Variants in TMEM107 observed in about 807,000 individuals in gnomAD.
TMEM107 encodes transmembrane protein 107.
A neutral mutation model predicts 16.8 loss-of-function variants in TMEM107; 18 were observed. That is an observed-to-expected ratio of 1.07 (90% CI 0.74 to 1.59). TMEM107 has a LOEUF of 1.59. Ranked by LOEUF, TMEM107 falls within the 40% of genes most tolerant of loss-of-function variation. The pLI is 0.00. For synonymous variants in TMEM107, 68 were observed against 71.6 expected, an observed-to-expected ratio of 0.95 and a Z score of 0.25; for missense variants, 152 against 175.4, an observed-to-expected ratio of 0.87 and a Z score of 0.75.
Position 8,173,333 on chromosome 17 carries a change from A to T in TMEM107, c.*870T>A. 5.4e-6 allele frequency: 3 copies of T among 555,748 alleles called. No individual in the cohort carries two copies. Among genetic ancestry groups the T allele is most frequent in the Non-Finnish European group, 6.5e-6 (2 of 308,634 alleles). 34.4% of individuals were successfully genotyped at this position (555,748 alleles called of 1,614,324 possible). A position where few individuals can be genotyped will look rare whatever the true frequency, so the allele number is the denominator to read the frequency against. Reference sequence around the variant, plus strand: ...TTTAGCAAGACTGCAAAATAGACAAACAGCAATAGCAAGACTGCAAAATAG... The same window carrying T: ...TTTAGCAAGACTGCAAAATAGACAATCAGCAATAGCAAGACTGCAAAATAG... On this transcript the variant is annotated 3_prime_UTR_variant, in exon 5 of 5. Transcript: ENST00000437139.
chr17:8,172,869 A>AAC lies in TMEM107; in HGVS notation c.*1333_*1334insGT, dbSNP rs761074493. ...TGAGACTGTCTCAAAAAAAAAAAAA[A>AAC]AAAAAACCAAAAGAGGGGGGTGGTC... On this transcript the variant is annotated 3_prime_UTR_variant, in exon 5 of 5. Coordinates refer to ENST00000437139, the MANE Select transcript of TMEM107 (RefSeq NM_183065.4). Among the ~76,000 whole-genome samples the AAC allele has an allele frequency of 0.033, 4,833 of 148,378 alleles. 257 individuals are homozygous for AAC. The highest frequency in any genetic ancestry group is 0.13 in the South Asian group (583 of 4,622).
rs541201431 is a variant in TMEM107 at position 8,173,147 on chromosome 17, T to A, written c.*1056A>T. 1 of 284,524 alleles carries A rather than the reference T, an allele frequency of 3.5e-6. No individual in the cohort carries two copies. The highest frequency in any genetic ancestry group is 6.8e-6 in the Non-Finnish European group (1 of 147,372). 17.6% of individuals were successfully genotyped at this position (284,524 alleles called of 1,614,324 possible). A position where few individuals can be genotyped will look rare whatever the true frequency, so the allele number is the denominator to read the frequency against. ...AATACCATCCTGAGGGCAACCACCA[T>A]GTGCACAAGACTGCAGATATTTACT... On this transcript the variant is annotated 3_prime_UTR_variant, in exon 5 of 5. Transcript: ENST00000437139.
In TMEM107 at chr17:8,174,051, C is replaced by A; in HGVS notation, c.*152G>T. 1.5e-6 allele frequency: 1 copy of A among 665,798 alleles called. No individual in the cohort carries two copies. The highest frequency in any genetic ancestry group is 1.8e-5 in the South Asian group (1 of 57,078). The allele number at this position is 665,798 out of a possible 1,614,324, so 41.2% of individuals were successfully genotyped here. ...AAGCACTAAATACAATGCGGATAAT[C>A]CCAGACTCAAGACGTAATTATTCCA... On this transcript the variant is annotated 3_prime_UTR_variant, in exon 5 of 5. Coordinates refer to ENST00000437139, the MANE Select transcript of TMEM107 (RefSeq NM_183065.4).
In TMEM107 at chr17:8,172,872, AAAAC is replaced by A. The variant is rs1055775689; in HGVS notation, c.*1327_*1330del. On this transcript the variant is annotated 3_prime_UTR_variant, in exon 5 of 5. Transcript: ENST00000437139. ...GACTGTCTCAAAAAAAAAAAAAAAAAAAACCAAAAGAGGGGGGTGGTCAACATAC... is the reference window on the plus strand; with the variant it reads ...GACTGTCTCAAAAAAAAAAAAAAAAACAAAAGAGGGGGGTGGTCAACATAC... 2.7e-5 allele frequency among the ~76,000 whole-genome samples: 4 copies of A among 148,826 alleles called. No individual in the cohort carries two copies. Among genetic ancestry groups the A allele is most frequent in the African/African-American group, 7.4e-5 (3 of 40,364 alleles).
rs1285905701 is a variant in TMEM107 at position 8,173,139 on chromosome 17, AACC to A, written c.*1061_*1063del. On this transcript the variant is annotated 3_prime_UTR_variant, in exon 5 of 5. Coordinates refer to ENST00000437139, the MANE Select transcript of TMEM107 (RefSeq NM_183065.4). ...TCCTATTGAATACCATCCTGAGGGC[AACC>A]ACCATGTGCACAAGACTGCAGATAT... 1.1e-5 allele frequency: 3 copies of A among 273,274 alleles called. No individual in the cohort carries two copies. The highest frequency in any genetic ancestry group is 2.1e-5 in the Non-Finnish European group (3 of 140,674). 16.9% of individuals were successfully genotyped at this position (273,274 alleles called of 1,614,324 possible). A position where few individuals can be genotyped will look rare whatever the true frequency, so the allele number is the denominator to read the frequency against.
In TMEM107 at chr17:8,173,586, G is replaced by T. The variant is rs117735243; in HGVS notation, c.*617C>A. The T allele has an allele frequency of 9.2e-6, 7 of 764,058 alleles. No homozygotes were observed. Among genetic ancestry groups the T allele is most frequent in the African/African-American group, 3.4e-5 (2 of 59,214 alleles). 47.3% of individuals were successfully genotyped at this position (764,058 alleles called of 1,614,324 possible). ...ACAGGTAAGGATTATCCCACCTGAC[G>T]ATACAGACAAACAGCCGACATTCTG... On this transcript the variant is annotated 3_prime_UTR_variant, in exon 5 of 5. Coordinates refer to ENST00000437139, the MANE Select transcript of TMEM107 (RefSeq NM_183065.4).
chr17:8,176,209 G>C lies in TMEM107; in HGVS notation c.78C>G (p.Phe26Leu), dbSNP rs991836698. ...CAGCCGTGGGTCTTACCCGGGACCA[G>C]AATAAGGTGATGACGACCACCAGAT... ...LAHLVVVITLFWSRDSNIQAC... is the reference protein window; with the variant it reads ...LAHLVVVITLLWSRDSNIQAC... Residue 26 changes from phenylalanine (F) to leucine (L), a missense_variant, in exon 1 of 5, where the codon TTC becomes TTG. Transcript: ENST00000437139. 11 of 1,613,964 alleles carry C rather than the reference G, an allele frequency of 6.8e-6. No individual in the cohort carries two copies. Among genetic ancestry groups the C allele is most frequent in the Non-Finnish European group, 9.3e-6 (11 of 1,179,962 alleles).
chr17:8,173,538 C>CT lies in TMEM107; in HGVS notation c.*664dup, dbSNP rs1983826316. On this transcript the variant is annotated 3_prime_UTR_variant, in exon 5 of 5. Transcript: ENST00000437139. ...TTCATGCATCTCCAATCATCATGTT[C>CT]TAATCTGCCCTCCGGAGGAGGAACA... The CT allele has an allele frequency of 2.6e-6, 2 of 765,244 alleles. No individual in the cohort carries two copies. Among genetic ancestry groups the CT allele is most frequent in the Non-Finnish European group, 4.8e-6 (2 of 418,014 alleles). The allele number at this position is 765,244 out of a possible 1,614,324, so 47.4% of individuals were successfully genotyped here.
rs763930415 is a variant in TMEM107 at position 8,173,574 on chromosome 17, A to C, written c.*629T>G. 1.6e-5 allele frequency: 12 copies of C among 764,780 alleles called. No individual in the cohort carries two copies. The highest frequency in any genetic ancestry group is 2.6e-5 in the Non-Finnish European group (11 of 417,714). The allele number at this position is 764,780 out of a possible 1,614,324, so 47.4% of individuals were successfully genotyped here. A position where few individuals can be genotyped will look rare whatever the true frequency, so the allele number is the denominator to read the frequency against. On this transcript the variant is annotated 3_prime_UTR_variant, in exon 5 of 5. Transcript: ENST00000437139. The stretch of plus-strand genomic sequence containing the variant: ...TCCGGAGGAGGAACAGGTAAGGATT[A>C]TCCCACCTGACGATACAGACAAACA...
At position 8,173,480 on chromosome 17, in the gene TMEM107, C is replaced by T. The variant is rs201784335; in HGVS notation, c.*723G>A. Reference sequence around the variant, plus strand: ...TCAGACAGGAGCAATCAGGGTGTTGCAAGTCCTGATTACGCAGAGACGTTA... The same window carrying T: ...TCAGACAGGAGCAATCAGGGTGTTGTAAGTCCTGATTACGCAGAGACGTTA... On this transcript the variant is annotated 3_prime_UTR_variant, in exon 5 of 5. Transcript: ENST00000437139. 8.9e-5 allele frequency: 68 copies of T among 764,862 alleles called. No individual in the cohort carries two copies. Among genetic ancestry groups the T allele is most frequent in the South Asian group, 4.3e-4 (32 of 74,574 alleles). 47.4% of individuals were successfully genotyped at this position (764,862 alleles called of 1,614,324 possible).
chr17:8,174,834 AC>A (rs1983997272), intron 3 of TMEM107: 1 of 556,954 alleles, frequency 1.8e-6, no homozygotes, highest in African/African-American at 1.9e-5. Flanking sequence ...AGGCTACCCT[AC>A]CCCTTATCTG....
rs761878851 is a variant in TMEM107, at chr17:8,173,527, A to C, written c.*676T>G. 4 of 765,428 alleles carry C rather than the reference A, an allele frequency of 5.2e-6. No homozygotes were observed. The highest frequency in any genetic ancestry group is 2.7e-5 in the South Asian group (2 of 74,618). 47.4% of individuals were successfully genotyped at this position (765,428 alleles called of 1,614,324 possible). Reference sequence around the variant, plus strand: ...GTTAATCACGTTTCATGCATCTCCAATCATCATGTTCTAATCTGCCCTCCG... The same window carrying C: ...GTTAATCACGTTTCATGCATCTCCACTCATCATGTTCTAATCTGCCCTCCG... On this transcript the variant is annotated 3_prime_UTR_variant, in exon 5 of 5. Coordinates refer to ENST00000437139, the MANE Select transcript of TMEM107 (RefSeq NM_183065.4).
In TMEM107 at chr17:8,173,468, A is replaced by T; in HGVS notation, c.*735T>A. 5.2e-6 allele frequency: 4 copies of T among 764,574 alleles called. No individual in the cohort carries two copies. The highest frequency in any genetic ancestry group is 7.2e-6 in the Non-Finnish European group (3 of 417,896). The allele number at this position is 764,574 out of a possible 1,614,324, so 47.4% of individuals were successfully genotyped here. On this transcript the variant is annotated 3_prime_UTR_variant, in exon 5 of 5. Coordinates refer to ENST00000437139, the MANE Select transcript of TMEM107 (RefSeq NM_183065.4). ...CGTCAGAAAGAATCAGACAGGAGCA[A>T]TCAGGGTGTTGCAAGTCCTGATTAC...
chr17:8,172,872 A>AC lies in TMEM107; in HGVS notation c.*1330_*1331insG, dbSNP rs1223763863. 2.0e-5 allele frequency among the ~76,000 whole-genome samples: 3 copies of AC among 148,936 alleles called. No individual in the cohort carries two copies. The highest frequency in any genetic ancestry group is 4.9e-5 in the African/African-American group (2 of 40,482). ...GACTGTCTCAAAAAAAAAAAAAAAAAAAACCAAAAGAGGGGGGTGGTCAAC... is the reference window on the plus strand; with the variant it reads ...GACTGTCTCAAAAAAAAAAAAAAAAACAAACCAAAAGAGGGGGGTGGTCAAC... On this transcript the variant is annotated 3_prime_UTR_variant, in exon 5 of 5. Transcript: ENST00000437139.
rs75327696 is a variant in TMEM107, at chr17:8,173,424, T to C, written c.*779A>G. The C allele has an allele frequency of 2.3e-4, 172 of 757,078 alleles. 3 individuals are homozygous for C. The East Asian group carries it at 3.7e-3, about 16-fold the overall frequency. 46.9% of individuals were successfully genotyped at this position (757,078 alleles called of 1,614,324 possible). A position where few individuals can be genotyped will look rare whatever the true frequency, so the allele number is the denominator to read the frequency against. On this transcript the variant is annotated 3_prime_UTR_variant, in exon 5 of 5. Coordinates refer to ENST00000437139, the MANE Select transcript of TMEM107 (RefSeq NM_183065.4). The stretch of plus-strand genomic sequence containing the variant: ...GTTTGTGGATATCTGCTAATCAGCA[T>C]AACACAAATGTAAGTGATCGTCAGA...
chr17:8,173,734 T>A lies in TMEM107; in HGVS notation c.*469A>T. 1 of 557,672 alleles carries A rather than the reference T, an allele frequency of 1.8e-6. No homozygotes were observed. Among genetic ancestry groups the A allele is most frequent in the Non-Finnish European group, 3.2e-6 (1 of 313,750 alleles). The allele number at this position is 557,672 out of a possible 1,614,324, so 34.5% of individuals were successfully genotyped here. Reference sequence around the variant, plus strand: ...TATTAGCTCGCACATTTTTTTAAATTTTTTTTTCATTCGGCTGCCGAAAAG... The same window carrying A: ...TATTAGCTCGCACATTTTTTTAAATATTTTTTTCATTCGGCTGCCGAAAAG... On this transcript the variant is annotated 3_prime_UTR_variant, in exon 5 of 5. Coordinates refer to ENST00000437139, the MANE Select transcript of TMEM107 (RefSeq NM_183065.4).
intron 1 of TMEM107, 73 bp from the exon 2 acceptor site, chr17:8,176,099 A>C (rs770484886): frequency 5.6e-6 from 9 of 1,607,772 alleles, no homozygotes; most frequent in Non-Finnish European, 6.8e-6. Context: ...GGCGGGAAAC[A>C]AGAAAACCCA....
chr17:8,174,261 G>C lies in TMEM107; in HGVS notation c.365C>G (p.Ala122Gly), dbSNP rs1983946760. Residue 122 changes from alanine (A) to glycine (G), a missense_variant, in exon 5 of 5, where the codon GCT becomes GGT. By Grantham distance (60) the Ala-to-Gly change is moderately conservative (BLOSUM62 0). Transcript: ENST00000437139. ...YIFVFCSALP[A>G]VTEMALFVTV... Reference sequence around the variant, plus strand: ...GACGAATAAAGCCATTTCAGTGACAGCTGGAAGGGCACTACCAAGGCAAGT... The same window carrying C: ...GACGAATAAAGCCATTTCAGTGACACCTGGAAGGGCACTACCAAGGCAAGT... 1 of 1,614,100 alleles carries C rather than the reference G, an allele frequency of 6.2e-7. No individual in the cohort carries two copies. Among genetic ancestry groups the C allele is most frequent in the African/African-American group, 1.3e-5 (1 of 75,052 alleles).
chr17:8,175,036 G>A (rs1984014690), intron 3 of TMEM107: 1 of 191,972 alleles, frequency 5.2e-6, no homozygotes, highest in Non-Finnish European at 1.1e-5. Flanking sequence ...GCTCGCTTCC[G>A]TTGCCTCTTC....
Sources: gnomAD v4.1 joint callset for allele counts (sites outside exome capture counted in the v4.1 genomes callset) on GRCh38, gnomAD v4.1.1 for gene constraint, MANE v1.5 for transcripts, NCBI Gene and HGNC (gene_info 2026-07-23, HGNC 2026-07-21) for gene names.